The following CDH13 variants were observed in gnomAD, a reference collection of about 807,000 sequenced individuals.
CDH13 encodes the protein cadherin 13, also known as cadherin-13.
In CDH13, 24 loss-of-function variants were observed where a neutral mutation model predicts 63.8. The ratio of observed to expected loss-of-function variants is 0.38; its 90% CI spans 0.27 to 0.53. The LOEUF is 0.53. CDH13 is among the 20% of genes least tolerant of loss of function. The pLI is 0.85. For synonymous variants in CDH13, 503 were observed against 355.3 expected, an observed-to-expected ratio of 1.42 and a Z score of -4.67; for missense variants, 1,049 against 903.1, an observed-to-expected ratio of 1.16 and a Z score of -2.07.
intron 2 of CDH13, among the ~76,000 whole-genome samples, chr16:83,015,677 G>GTATATA (rs71148803): frequency 0.087 from 3,259 of 37,414 alleles, 418 homozygotes; most frequent in Non-Finnish European, 0.11. Flanking sequence ...GTGTGTGTAT[G>GTATATA]TATATATATA....
intron 2 of CDH13, among the ~76,000 whole-genome samples, chr16:82,903,273 T>G (rs573202552): frequency 6.6e-6 from 1 of 152,348 alleles, no homozygotes; most frequent in South Asian, 2.1e-4. Flanking sequence ...AGGTTGAGTT[T>G]GCATGGCAAC....
intron 2 of CDH13, among the ~76,000 whole-genome samples, chr16:83,018,253 T>G (rs1187346365): frequency 6.6e-6 from 1 of 152,180 alleles, no homozygotes; most frequent in Non-Finnish European, 1.5e-5. Context: ...CCCTTCAACA[T>G]GACAGCCCTG....
chr16:83,695,792 A>T (rs1332574230), intron 10 of CDH13, among the ~76,000 whole-genome samples: 2 of 152,172 alleles, frequency 1.3e-5, no homozygotes, highest in African/African-American at 4.8e-5. Flanking sequence ...CAACTGTGAG[A>T]TGGGTGTGAT....
At chr16:83,330,091 AAG>A (rs2090449215) in intron 5 of CDH13, among the ~76,000 whole-genome samples, 1 of 152,248 alleles carries the variant, frequency 6.6e-6, no homozygotes, top group Admixed American at 6.5e-5. Context: ...CTTCAAATAG[AAG>A]AGATTCTTGT....
At chr16:83,490,350 T>G (rs547898631) in intron 7 of CDH13, among the ~76,000 whole-genome samples, 1 of 152,316 alleles carries the variant, frequency 6.6e-6, no homozygotes, top group Non-Finnish European at 1.5e-5. Flanking sequence ...CCCTGCCTTT[T>G]ATAGATTCAC....
chr16:82,883,198 T>C (rs1290113420), intron 2 of CDH13, among the ~76,000 whole-genome samples: 1 of 152,216 alleles, frequency 6.6e-6, no homozygotes, highest in Non-Finnish European at 1.5e-5. Context: ...GTGGAAAATA[T>C]GACCTACTAA....
At chr16:83,744,218 A>G (rs1391267897) in intron 10 of CDH13, among the ~76,000 whole-genome samples, 1 of 152,194 alleles carries the variant, frequency 6.6e-6, no homozygotes, top group Non-Finnish European at 1.5e-5. Context: ...CAGAGCCGTC[A>G]GGGCCCGTGT....
At chr16:82,901,247 A>G (rs917685848) in intron 2 of CDH13, among the ~76,000 whole-genome samples, 2 of 151,812 alleles carry the variant, frequency 1.3e-5, no homozygotes, top group Non-Finnish European at 2.9e-5. Flanking sequence ...GAGGCCCACA[A>G]ATTAGGAATC....
At chr16:83,521,992 G>A (rs2074848465) in intron 7 of CDH13, among the ~76,000 whole-genome samples, 1 of 152,224 alleles carries the variant, frequency 6.6e-6, no homozygotes, top group South Asian at 2.1e-4. Flanking sequence ...AGCCCCTCAT[G>A]TGAGGGATGG....
At chr16:83,489,089 A>T (rs2073955385) in intron 7 of CDH13, among the ~76,000 whole-genome samples, 1 of 152,208 alleles carries the variant, frequency 6.6e-6, no homozygotes, top group Non-Finnish European at 1.5e-5. Flanking sequence ...AGATCCTTTC[A>T]CAAGAAAAAG....
At chr16:83,680,645 G>C (rs886140061) in intron 10 of CDH13, among the ~76,000 whole-genome samples, 1 of 152,150 alleles carries the variant, frequency 6.6e-6, no homozygotes, top group African/African-American at 2.4e-5. Context: ...AAGCAACCTA[G>C]AAATGACTTG....
At chr16:83,065,275 G>T (rs970803619) in intron 3 of CDH13, among the ~76,000 whole-genome samples, 1 of 152,174 alleles carries the variant, frequency 6.6e-6, no homozygotes, top group Non-Finnish European at 1.5e-5. Context: ...GAAAAACCAG[G>T]ACAGTGTAGT....
intron 2 of CDH13, among the ~76,000 whole-genome samples, chr16:82,952,240 T>C (rs1048863120): frequency 7.9e-5 from 12 of 152,196 alleles, no homozygotes; most frequent in African/African-American, 1.4e-4. Flanking sequence ...CAAGTGCCAC[T>C]TCTACCTGTC....
At chr16:82,900,428 C>T (rs199985923) in intron 2 of CDH13, among the ~76,000 whole-genome samples, 22 of 24,516 alleles carry the variant, frequency 9.0e-4, no homozygotes, top group African/African-American at 3.7e-3. Context: ...TCAAGAAGTA[C>T]AGGGATGATA....
chr16:83,047,607 TAAAA>T lies in CDH13; in HGVS notation c.366+15390_366+15393del. Among the ~76,000 whole-genome samples the T allele has an allele frequency of 6.6e-6, 1 of 152,304 alleles. No homozygotes were observed. The highest frequency in any genetic ancestry group is 2.4e-5 in the African/African-American group (1 of 41,570). ...TGTATTTTCCCAAATTCTGCATAAA[TAAAA>T]TAATATGCTCCATAATGGCAGAGAT... On this transcript the variant is annotated intron_variant, in intron 3 of 13. Coordinates refer to ENST00000567109, the MANE Select transcript of CDH13 (RefSeq NM_001257.5). This position sits in a 1 kb window ranked among gnomAD's most constrained non-coding sequence, Gnocchi z 4.9.
At chr16:83,417,490 T>G (rs887240172) in intron 6 of CDH13, among the ~76,000 whole-genome samples, 11 of 151,946 alleles carry the variant, frequency 7.2e-5, no homozygotes, top group Non-Finnish European at 1.5e-4. Flanking sequence ...TGCTCTTGCC[T>G]TCTTGCCTTC....
chr16:83,620,675 G>A (rs887485968), intron 8 of CDH13, among the ~76,000 whole-genome samples: 1 of 152,196 alleles, frequency 6.6e-6, no homozygotes, highest in African/African-American at 2.4e-5. Context: ...GTCCAGCAAA[G>A]AGGGTCTTGT....
chr16:83,187,266 G>A (rs1264365177), intron 4 of CDH13, among the ~76,000 whole-genome samples: 1 of 152,132 alleles, frequency 6.6e-6, no homozygotes, highest in Non-Finnish European at 1.5e-5. Context: ...CACCACGCCT[G>A]GCCCCAAACA....
At chr16:83,273,099 T>G (rs2088875514) in intron 5 of CDH13, among the ~76,000 whole-genome samples, 1 of 152,158 alleles carries the variant, frequency 6.6e-6, no homozygotes, top group African/African-American at 2.4e-5. Flanking sequence ...TGCTATCCAT[T>G]GAGCAGTCTT....
Sources: gnomAD v4.1 joint callset for allele counts (sites outside exome capture counted in the v4.1 genomes callset) on GRCh38, gnomAD v4.1.1 for gene constraint, Gnocchi (gnomAD v3.1) non-coding constraint, MANE v1.5 for transcripts, NCBI Gene and HGNC (gene_info 2026-07-23, HGNC 2026-07-21) for gene names.